LARGE1: variants seen among roughly 807,000 people sequenced by gnomAD.
LARGE1 encodes LARGE xylosyl- and glucuronyltransferase 1, also known as xylosyl- and glucuronyltransferase LARGE1.
In LARGE1, 43 loss-of-function variants were observed where a neutral mutation model predicts 87.6. That is an observed-to-expected ratio of 0.49 (90% CI 0.38 to 0.63). The LOEUF (loss-of-function observed/expected upper bound fraction) is 0.63. Among genes scored for constraint, LARGE1 ranks in the 30% least tolerant of loss-of-function variants. LARGE1 has a pLI of 0.00. For missense variants in LARGE1, 802 were observed against 1,000.2 expected, an observed-to-expected ratio of 0.80 and a Z score of 2.67; for synonymous variants, 434 against 394.6, an observed-to-expected ratio of 1.10 and a Z score of -1.18.
chr22:33,777,398 G>A (rs1054271262), intron 1 of LARGE1, among the ~76,000 whole-genome samples: 1 of 152,090 alleles, frequency 6.6e-6, no homozygotes, highest in Admixed American at 6.6e-5. Context: ...AGCACTTCGG[G>A]AGGCTGAGAT....
In LARGE1 at chr22:33,887,211, AT is replaced by A. The variant is rs1226221053; in HGVS notation, c.-83+32783del. 2.6e-5 allele frequency among the ~76,000 whole-genome samples: 4 copies of A among 152,190 alleles called. No homozygotes were observed. In the East Asian group the frequency reaches 7.7e-4, roughly 29 times the overall value. ...TCCTAACCCGCAATGTGATGGTATT[AT>A]TAGAAGGTGGGGCCTTTGGGAGCTG... On this transcript the variant is annotated intron_variant, in intron 1 of 14. Transcript: ENST00000397394.
chr22:33,555,837 G>A (rs1358808374), intron 6 of LARGE1, among the ~76,000 whole-genome samples: 1 of 151,728 alleles, frequency 6.6e-6, no homozygotes, highest in Admixed American at 6.6e-5. Context: ...GGCTGAGACA[G>A]GAGAACTGCC....
intron 2 of LARGE1, among the ~76,000 whole-genome samples, chr22:33,658,302 C>G (rs567865488): frequency 6.6e-6 from 1 of 152,150 alleles, no homozygotes; most frequent in Admixed American, 6.5e-5. Flanking sequence ...TTTAATTTTA[C>G]GGTCCGGGAT....
intron 1 of LARGE1, among the ~76,000 whole-genome samples, chr22:33,859,550 T>C (rs1288695448): frequency 6.6e-6 from 1 of 152,174 alleles, no homozygotes; most frequent in Non-Finnish European, 1.5e-5. Flanking sequence ...GGCCACATTG[T>C]ATAAAATTCT....
At chr22:33,442,794 C>CTTTT (rs559941819) in intron 6 of LARGE1, among the ~76,000 whole-genome samples, 5 of 140,186 alleles carry the variant, frequency 3.6e-5, no homozygotes, top group African/African-American at 1.0e-4. Flanking sequence ...ATACTGATAG[C>CTTTT]TTTTTTTTTT....
At chr22:33,173,561 G>A (rs908913138) in intron 11 of LARGE1, among the ~76,000 whole-genome samples, 1 of 151,818 alleles carries the variant, frequency 6.6e-6, no homozygotes, top group Non-Finnish European at 1.5e-5. Flanking sequence ...TAGATAAAGA[G>A]TGAAGACTCA....
chr22:33,228,525 C>T (rs1925847621), intron 11 of LARGE1, among the ~76,000 whole-genome samples: 1 of 152,216 alleles, frequency 6.6e-6, no homozygotes, highest in African/African-American at 2.4e-5. Context: ...GTGAAGGCAA[C>T]CTCTAACAAC....
intron 2 of LARGE1, among the ~76,000 whole-genome samples, chr22:33,672,683 A>C (rs541268214): frequency 1.3e-4 from 20 of 152,374 alleles, no homozygotes; most frequent in Admixed American, 1.0e-3. Context: ...TGTGTCTCTC[A>C]GTCTGTTCTC....
At chr22:33,459,230 A>G (rs1365529393) in intron 6 of LARGE1, among the ~76,000 whole-genome samples, 1 of 152,110 alleles carries the variant, frequency 6.6e-6, no homozygotes, top group Non-Finnish European at 1.5e-5. Flanking sequence ...AACAGAACGA[A>G]AACTGAAGCT....
intron 6 of LARGE1, among the ~76,000 whole-genome samples, chr22:33,502,725 C>T (rs756902409): frequency 5.0e-4 from 76 of 152,140 alleles, no homozygotes; most frequent in Non-Finnish European, 4.0e-4. Context: ...CCTGCCACCA[C>T]GCCTGGCTAA....
At chr22:33,860,215 C>T (rs1339231944) in intron 1 of LARGE1, among the ~76,000 whole-genome samples, 1 of 152,130 alleles carries the variant, frequency 6.6e-6, no homozygotes, top group Non-Finnish European at 1.5e-5. Context: ...TGCTCTTGAA[C>T]TCCCGGACTC....
chr22:33,846,016 G>C (rs2063419768), intron 1 of LARGE1, among the ~76,000 whole-genome samples: 1 of 152,196 alleles, frequency 6.6e-6, no homozygotes, highest in South Asian at 2.1e-4. Flanking sequence ...GTGAAGAACA[G>C]AGCTGTTTTT....
intron 7 of LARGE1, among the ~76,000 whole-genome samples, chr22:33,388,342 G>A (rs1430367430): frequency 1.3e-5 from 2 of 152,214 alleles, no homozygotes; most frequent in Non-Finnish European, 2.9e-5. Flanking sequence ...GGATTGCCGT[G>A]TTGAAGGCGC....
intron 2 of LARGE1, among the ~76,000 whole-genome samples, chr22:33,721,062 G>C (rs1027943360): frequency 1.3e-5 from 2 of 152,218 alleles, no homozygotes; most frequent in Admixed American, 6.5e-5. Context: ...GGAAAACAAA[G>C]AAATGGAGGC....
At chr22:33,842,329 T>A (rs2063304441) in intron 1 of LARGE1, among the ~76,000 whole-genome samples, 1 of 152,184 alleles carries the variant, frequency 6.6e-6, no homozygotes, top group Non-Finnish European at 1.5e-5. Flanking sequence ...TAATAAAAAA[T>A]TAAATTAAAA....
rs553981804 is a variant in LARGE1 at position 33,499,223 on chromosome 22, G to A, written c.787+65625C>T. Among the ~76,000 whole-genome samples the A allele has an allele frequency of 2.0e-5, 3 of 152,260 alleles. No individual in the cohort carries two copies. The South Asian group carries it at 6.2e-4, about 32-fold the overall frequency. Reference sequence around the variant, plus strand: ...GGGCTTTCTGCCCTGAACAGGATTCGCCAAAGGAAGGTGCCTATAGTCGGC... The same window carrying A: ...GGGCTTTCTGCCCTGAACAGGATTCACCAAAGGAAGGTGCCTATAGTCGGC... On this transcript the variant is annotated intron_variant, in intron 6 of 14. Coordinates refer to ENST00000397394, the MANE Select transcript of LARGE1 (RefSeq NM_133642.5).
At chr22:33,528,570 C>T (rs967824141) in intron 6 of LARGE1, among the ~76,000 whole-genome samples, 3 of 152,146 alleles carry the variant, frequency 2.0e-5, no homozygotes, top group South Asian at 4.2e-4. Context: ...ACTCTTATTG[C>T]ACATTCTCCA....
intron 10 of LARGE1, among the ~76,000 whole-genome samples, chr22:33,316,455 TG>T (rs1263327217): frequency 6.6e-6 from 1 of 152,214 alleles, no homozygotes; most frequent in Non-Finnish European, 1.5e-5. Flanking sequence ...ATCAGATGCC[TG>T]GGGACCGGCT....
chr22:33,258,172 A>C (rs544187074), intron 11 of LARGE1, among the ~76,000 whole-genome samples: 1 of 152,140 alleles, frequency 6.6e-6, no homozygotes, highest in Admixed American at 6.5e-5. Flanking sequence ...CTGGGATTAC[A>C]GGCATCCACC....
Sources: gnomAD v4.1 joint callset for allele counts (sites outside exome capture counted in the v4.1 genomes callset) on GRCh38, gnomAD v4.1.1 for gene constraint, MANE v1.5 for transcripts, NCBI Gene and HGNC (gene_info 2026-07-23, HGNC 2026-07-21) for gene names.